TRRAP: variants seen among roughly 807,000 people sequenced by gnomAD.
TRRAP encodes the protein transformation/transcription domain associated protein.
In TRRAP, 41 loss-of-function variants were observed where a neutral mutation model predicts 438.8. The observed-to-expected ratio is 0.09, with a 90% CI of 0.07 to 0.12. The LOEUF is 0.12. TRRAP is among the 10% of genes least tolerant of loss of function. The pLI is 1.00. For synonymous variants in TRRAP, 1,994 were observed against 1,962.9 expected, an observed-to-expected ratio of 1.02 and a Z score of -0.42; for missense variants, 3,122 against 5,055.1, an observed-to-expected ratio of 0.62 and a Z score of 11.60.
At chr7:98,913,469 A>ACAAAC (rs1789375503) in intron 18 of TRRAP, among the ~76,000 whole-genome samples, 4 of 151,826 alleles carry the variant, frequency 2.6e-5, no homozygotes, top group African/African-American at 4.8e-5. Context: ...TTGTATTTTT[A>ACAAAC]GTGGAGATGG....
At chr7:98,928,613 T>C (rs1790162437) in intron 23 of TRRAP, among the ~76,000 whole-genome samples, 2 of 152,220 alleles carry the variant, frequency 1.3e-5, no homozygotes, top group African/African-American at 4.8e-5. Flanking sequence ...GGCCGACTGT[T>C]CTCTGCCATA....
At chr7:98,963,753 ACT>A (rs1792028919) in intron 47 of TRRAP, among the ~76,000 whole-genome samples, 1 of 151,968 alleles carries the variant, frequency 6.6e-6, no homozygotes, top group South Asian at 2.1e-4. Context: ...ACTGGCAAAC[ACT>A]CTTTGGTTGA....
At chr7:98,970,037 T>C in intron 51 of TRRAP, 75 bp from the exon 52 acceptor site, 2 of 1,549,070 alleles carry the variant, frequency 1.3e-6, no homozygotes, top group South Asian at 2.4e-5. Flanking sequence ...GTGAGGGGCA[T>C]CTGGGAGAGA....
intron 12 of TRRAP, 103 bp downstream of exon 12, chr7:98,903,620 C>T: frequency 6.7e-7 from 1 of 1,496,906 alleles, no homozygotes. Context: ...TTCCATGTAT[C>T]CTTGCTTCCT....
chr7:98,883,034 T>G (rs1364158423), intron 3 of TRRAP, among the ~76,000 whole-genome samples: 1 of 152,254 alleles, frequency 6.6e-6, no homozygotes, highest in Non-Finnish European at 1.5e-5. Context: ...CAATGAGATC[T>G]GGATGTCATT....
intron 12 of TRRAP, among the ~76,000 whole-genome samples, chr7:98,904,022 C>G (rs1260093299): frequency 2.6e-5 from 4 of 152,120 alleles, no homozygotes; most frequent in African/African-American, 9.7e-5. Flanking sequence ...GTTGGCCAGG[C>G]TGGTCTCGAA....
intron 67 of TRRAP, among the ~76,000 whole-genome samples, chr7:99,002,125 G>A (rs896116493): frequency 6.7e-5 from 10 of 150,198 alleles, no homozygotes; most frequent in Admixed American, 5.3e-4. Flanking sequence ...GGAGAGGCGG[G>A]GGGGTGGGGT....
chr7:98,965,097 G>A (rs954595116), intron 48 of TRRAP, among the ~76,000 whole-genome samples: 3 of 152,236 alleles, frequency 2.0e-5, no homozygotes, highest in East Asian at 1.9e-4. Context: ...ACTGCACTCA[G>A]TCTGCAACAG....
intron 62 of TRRAP, among the ~76,000 whole-genome samples, chr7:98,987,589 G>A (rs1286116518): frequency 6.6e-6 from 1 of 152,160 alleles, no homozygotes; most frequent in Non-Finnish European, 1.5e-5. Context: ...GCTTTTTGGG[G>A]ATTCTTCTTT....
At chr7:98,945,722 AG>A in intron 31 of TRRAP, 24 bp from the exon 32 acceptor site, 3 of 1,596,624 alleles carry the variant, frequency 1.9e-6, no homozygotes, top group Non-Finnish European at 2.5e-6. Context: ...AATAGAAAAA[AG>A]ATGATTTTCC....
chr7:98,991,296 C>T (rs1307951877), intron 64 of TRRAP, among the ~76,000 whole-genome samples: 2 of 152,200 alleles, frequency 1.3e-5, no homozygotes, highest in Non-Finnish European at 2.9e-5. Context: ...AATCACGAAG[C>T]ACCGCAGGAG....
At chr7:98,889,428 C>T (rs192453543) in intron 3 of TRRAP, among the ~76,000 whole-genome samples, 2 of 152,074 alleles carry the variant, frequency 1.3e-5, no homozygotes, top group East Asian at 1.9e-4. Context: ...ATAAGGAAGG[C>T]GGGAAATAAT....
At chr7:98,969,100 G>A (rs1381866960) in intron 51 of TRRAP, among the ~76,000 whole-genome samples, 1 of 152,202 alleles carries the variant, frequency 6.6e-6, no homozygotes, top group Non-Finnish European at 1.5e-5. Context: ...TTAGGACGAT[G>A]GAACCATTTC....
At position 98,927,387 on chromosome 7, in the gene TRRAP, G is replaced by A. The variant is rs782288932; in HGVS notation, c.3175+21G>A. On this transcript the variant is annotated intron_variant, in intron 23 of 72. Coordinates refer to ENST00000456197, the MANE Select transcript of TRRAP (RefSeq NM_001375524.1). ...GTGTGGTGAGCACGGGGGCACGGTG[G>A]GGCACGGGATTGGTTCTTTGACTTT... 2.0e-5 allele frequency: 32 copies of A among 1,613,006 alleles called. No individual in the cohort carries two copies. In the East Asian group the frequency reaches 7.1e-4, roughly 36 times the overall value.
chr7:98,980,263 A>G (rs973453388), intron 58 of TRRAP, among the ~76,000 whole-genome samples: 1 of 152,220 alleles, frequency 6.6e-6, no homozygotes, highest in African/African-American at 2.4e-5. Flanking sequence ...AGATACCATC[A>G]TGGCACTCAT....
At chr7:98,915,178 A>G (rs1789465011) in intron 18 of TRRAP, among the ~76,000 whole-genome samples, 1 of 152,094 alleles carries the variant, frequency 6.6e-6, no homozygotes, top group South Asian at 2.1e-4. Flanking sequence ...TTGGTAGTAC[A>G]ATTTCAGTTC....
chr7:98,928,416 A>G (rs879971120), intron 23 of TRRAP, among the ~76,000 whole-genome samples: 1 of 152,198 alleles, frequency 6.6e-6, no homozygotes, highest in Admixed American at 6.5e-5. Flanking sequence ...AAGATCAACC[A>G]GCAGAGCACA....
Position 98,921,815 on chromosome 7 carries a change from C to T in TRRAP, c.2685C>T (p.Leu895=), listed in dbSNP as rs367713600. Residue 895 remains leucine (L), a synonymous_variant, in exon 21 of 73, where the codon CTC becomes CTT. Transcript: ENST00000456197. ...TCTCCCACGTGGCCTACCGTGTGCT[C>T]GGTAAGTTTGGCGGCAGTAACAGGA... ...DSISHVAYRV[L]GKFGGSNRKM... 3.6e-5 allele frequency: 58 copies of T among 1,614,062 alleles called. No individual in the cohort carries two copies. Among genetic ancestry groups the T allele is most frequent in the South Asian group, 2.4e-4 (22 of 91,080 alleles).
chr7:98,979,025 A>T, intron 58 of TRRAP, 121 bp downstream of exon 58: 1 of 1,289,654 alleles, frequency 7.8e-7, no homozygotes, highest in South Asian at 1.3e-5. Context: ...GCTTTTGGGA[A>T]GGAAAGGTTC....
Sources: allele counts gnomAD v4.1 joint callset (sites outside exome capture counted in the v4.1 genomes callset), GRCh38; gene constraint gnomAD v4.1.1; transcripts MANE v1.5; gene names NCBI Gene and HGNC (gene_info 2026-07-23, HGNC 2026-07-21).